SH3PXD2A: variants seen among roughly 807,000 people sequenced by gnomAD.
The protein encoded by SH3PXD2A is SH3 and PX domain-containing protein 2A.
SH3PXD2A carries 32 observed loss-of-function variants against 115.2 expected under a neutral mutation model. The observed-to-expected ratio is 0.28, with a 90% CI of 0.21 to 0.37. The LOEUF (loss-of-function observed/expected upper bound fraction) is 0.37. Among genes scored for constraint, SH3PXD2A ranks in the 10% least tolerant of loss-of-function variants. The pLI is 1.00. For synonymous variants in SH3PXD2A, 610 were observed against 629.1 expected (o/e 0.97, Z 0.45); for missense variants, 1,328 against 1,498.7 (o/e 0.89, Z 1.88).
At chr10:103,614,976 C>T (rs776800705) in intron 11 of SH3PXD2A, among the ~76,000 whole-genome samples, 4 of 152,114 alleles carry the variant, frequency 2.6e-5, no homozygotes, top group Non-Finnish European at 4.4e-5. Context: ...TGAGTTAACA[C>T]GTGGGTGGGA....
chr10:103,688,281 C>A (rs1346739294), intron 6 of SH3PXD2A, among the ~76,000 whole-genome samples: 1 of 152,224 alleles, frequency 6.6e-6, no homozygotes, highest in Non-Finnish European at 1.5e-5. Context: ...TTTCCTGAGC[C>A]TGCACAAGGT....
chr10:103,620,528 A>C lies in SH3PXD2A; in HGVS notation c.802+1942T>G, dbSNP rs970266277. On this transcript the variant is annotated intron_variant, in intron 10 of 14. Transcript: ENST00000369774. This position sits in a 1 kb window ranked among gnomAD's most constrained non-coding sequence, Gnocchi z 5.3. ...GGCTGGCTGAGGGAACGGGGAGCGG[A>C]GGCCGTGGGGAAGCTCCGCTTTTCT... Among the ~76,000 whole-genome samples, 1 of 152,074 alleles carries C rather than the reference A, an allele frequency of 6.6e-6. No homozygotes were observed. The highest frequency in any genetic ancestry group is 2.4e-5 in the African/African-American group (1 of 41,412).
Position 103,612,991 on chromosome 10 carries a change from C to T in SH3PXD2A, c.1120G>A (p.Ala374Thr), listed in dbSNP as rs779013852. Residue 374 changes from alanine (A) to threonine (T), a missense_variant, in exon 12 of 15, where the codon GCC becomes ACC. Around this residue, in one of 5 missense-constraint regions of SH3PXD2A, gnomAD observed 509 missense variants for 628.3 expected, o/e 0.81. Transcript: ENST00000369774. ...AEGEGHEAPI[A>T]KKEISLPILC... is the part of the protein sequence containing the mutation. The stretch of plus-strand genomic sequence containing the variant: ...ATGGGCAGGCTGATCTCCTTCTTGG[C>T]AATGGGGGCCTCATGGCCCTCGCCT... 6 of 1,614,250 alleles carry T rather than the reference C, an allele frequency of 3.7e-6. No individual in the cohort carries two copies. In the Admixed American group the frequency reaches 8.3e-5, roughly 22 times the overall value.
intron 3 of SH3PXD2A, among the ~76,000 whole-genome samples, chr10:103,757,040 G>C (rs957366539): frequency 4.6e-5 from 7 of 152,198 alleles, no homozygotes; most frequent in South Asian, 2.1e-4. Context: ...ATCTACGCTG[G>C]AGTATGAGTT....
chr10:103,681,753 C>T (rs1027246419), intron 6 of SH3PXD2A, among the ~76,000 whole-genome samples: 1 of 113,516 alleles, frequency 8.8e-6, no homozygotes, highest in Non-Finnish European at 1.8e-5. Context: ...CACACACACA[C>T]GCGCCCGCGC....
At chr10:103,679,214 C>T (rs1592297354) in intron 6 of SH3PXD2A, among the ~76,000 whole-genome samples, 1 of 152,216 alleles carries the variant, frequency 6.6e-6, no homozygotes, top group South Asian at 2.1e-4. Flanking sequence ...TGTTTCCTTG[C>T]CCACCTCCCC....
chr10:103,662,817 T>G (rs1184261242), intron 7 of SH3PXD2A, among the ~76,000 whole-genome samples: 2 of 152,156 alleles, frequency 1.3e-5, no homozygotes, highest in Non-Finnish European at 2.9e-5. Flanking sequence ...AGTATACTTT[T>G]GTTTTTTTTG....
intron 1 of SH3PXD2A, among the ~76,000 whole-genome samples, chr10:103,817,965 G>C (rs1589468565): frequency 6.6e-6 from 1 of 152,276 alleles, no homozygotes; most frequent in South Asian, 2.1e-4. Flanking sequence ...GCCTCTTTCT[G>C]GGATGATGAA....
At chr10:103,747,586 T>A (rs1193240490) in intron 3 of SH3PXD2A, among the ~76,000 whole-genome samples, 1 of 152,034 alleles carries the variant, frequency 6.6e-6, no homozygotes, top group African/African-American at 2.4e-5. Context: ...CCCAGCCAGA[T>A]GAGGAGGCTG....
At chr10:103,792,772 C>A (rs1184201623) in intron 2 of SH3PXD2A, among the ~76,000 whole-genome samples, 1 of 152,192 alleles carries the variant, frequency 6.6e-6, no homozygotes, top group Admixed American at 6.5e-5. Context: ...CACCCAACTG[C>A]TTCCTGCCTC....
intron 3 of SH3PXD2A, among the ~76,000 whole-genome samples, chr10:103,763,252 C>T (rs555177749): frequency 6.6e-6 from 1 of 152,356 alleles, no homozygotes. Flanking sequence ...CAGCCATCAG[C>T]CTGCAGCCAC....
In SH3PXD2A at chr10:103,784,383, C is replaced by T. The variant is rs187281129; in HGVS notation, c.153+16899G>A. ...CTGAACCCCAGCCCTTCTCCACCTCCAGTTCCACTCCTACACGCAGACCCA... is the reference window on the plus strand; with the variant it reads ...CTGAACCCCAGCCCTTCTCCACCTCTAGTTCCACTCCTACACGCAGACCCA... On this transcript the variant is annotated intron_variant, in intron 2 of 14. Transcript: ENST00000369774. This position sits in a 1 kb window ranked among gnomAD's most constrained non-coding sequence, Gnocchi z 4.4. 1.4e-4 allele frequency among the ~76,000 whole-genome samples: 21 copies of T among 152,348 alleles called. No individual in the cohort carries two copies. Among genetic ancestry groups the T allele is most frequent in the African/African-American group, 5.0e-4 (21 of 41,588 alleles).
At chr10:103,819,071 G>A (rs2039351489) in intron 1 of SH3PXD2A, among the ~76,000 whole-genome samples, 2 of 152,224 alleles carry the variant, frequency 1.3e-5, no homozygotes, top group South Asian at 4.1e-4. Flanking sequence ...GTAAAGCCAT[G>A]TTACTTGTCT....
chr10:103,799,077 A>C (rs545190691), intron 2 of SH3PXD2A, among the ~76,000 whole-genome samples: 47 of 152,296 alleles, frequency 3.1e-4, no homozygotes, highest in Non-Finnish European at 5.0e-4. Context: ...AAGCCTAGAG[A>C]AGTGAAGGAG....
Position 103,767,186 on chromosome 10 carries a change from A to G in SH3PXD2A, c.154-17T>C. 1 of 1,600,866 alleles carries G rather than the reference A, an allele frequency of 6.2e-7. No individual in the cohort carries two copies. Among genetic ancestry groups the G allele is most frequent in the Non-Finnish European group, 8.6e-7 (1 of 1,168,292 alleles). ...AAGCTGCATCTGAGAAGCCAGACAG[A>G]CAGAGGGACAGGATTCAGAAGACCA... On this transcript the variant is annotated splice_polypyrimidine_tract_variant and intron_variant, in intron 2 of 14. Transcript: ENST00000369774.
intron 1 of SH3PXD2A, among the ~76,000 whole-genome samples, chr10:103,803,948 C>T (rs986977689): frequency 2.6e-5 from 4 of 152,096 alleles, no homozygotes; most frequent in African/African-American, 2.4e-5. Context: ...AAGTCGGGGA[C>T]GAGGGGCTTC....
intron 2 of SH3PXD2A, among the ~76,000 whole-genome samples, chr10:103,775,823 CGAGA>C (rs2038872185): frequency 6.6e-6 from 1 of 152,058 alleles, no homozygotes; most frequent in Non-Finnish European, 1.5e-5. Flanking sequence ...AGCAGTGTGA[CGAGA>C]TGGAGAAGTC....
At chr10:103,840,583 G>A (rs1047629960) in intron 1 of SH3PXD2A, among the ~76,000 whole-genome samples, 1 of 152,210 alleles carries the variant, frequency 6.6e-6, no homozygotes, top group Admixed American at 6.5e-5. Context: ...GCTGGCTGGC[G>A]GGATTCCCGG....
intron 3 of SH3PXD2A, among the ~76,000 whole-genome samples, chr10:103,750,526 G>T (rs1017478999): frequency 7.2e-5 from 11 of 152,318 alleles, no homozygotes; most frequent in African/African-American, 2.6e-4. Context: ...ACCCTGAATT[G>T]AAGTGGAAGG....
Sources: allele counts gnomAD v4.1 joint callset (sites outside exome capture counted in the v4.1 genomes callset), GRCh38; gene constraint gnomAD v4.1.1; regional missense constraint gnomAD v4.1.1; non-coding constraint Gnocchi (gnomAD v3.1); transcripts MANE v1.5; gene names NCBI Gene and HGNC (gene_info 2026-07-23, HGNC 2026-07-21).